The following VSIR variants were observed in gnomAD, a reference collection of about 807,000 sequenced individuals.
VSIR encodes V-set immunoregulatory receptor, also known as V-type immunoglobulin domain-containing suppressor of T-cell activation.
In VSIR, 10 loss-of-function variants were observed where a neutral mutation model predicts 31.0. That is an observed-to-expected ratio of 0.32 (90% CI 0.20 to 0.55). VSIR has a LOEUF of 0.55. Among genes scored for constraint, VSIR ranks in the 20% least tolerant of loss-of-function variants. The pLI, the probability that VSIR is intolerant of heterozygous loss-of-function variation, is 0.93. For missense variants in VSIR, 356 were observed against 416.2 expected (o/e 0.86, Z 1.26); for synonymous variants, 179 against 180.1 (o/e 0.99, Z 0.05).
chr10:71,759,492 G>C (rs959863848), intron 3 of VSIR, among the ~76,000 whole-genome samples: 36 of 151,366 alleles, frequency 2.4e-4, no homozygotes, highest in Non-Finnish European at 4.4e-4. Context: ...GAGTGACAGA[G>C]AGAGAGTCTT....
In VSIR at chr10:71,761,773, G is replaced by A. The variant is rs1346708628; in HGVS notation, c.336C>T (p.Asp112=). ...GGHQAANTSH[D]LAQRHGLESA... is the part of the protein sequence containing the mutation. ...ACTCCAGCCCGTGGCGCTGAGCCAG[G>A]TCGTGGCTGGTGTTGGCAGCCTGGT... Residue 112 remains aspartate, a synonymous_variant, in exon 2 of 7, where the codon GAC becomes GAT. Coordinates refer to ENST00000394957, the MANE Select transcript of VSIR (RefSeq NM_022153.2). The A allele has an allele frequency of 6.2e-7, 1 of 1,614,164 alleles. No individual in the cohort carries two copies. The highest frequency in any genetic ancestry group is 2.2e-5 in the East Asian group (1 of 44,888).
In VSIR at chr10:71,748,165, T is replaced by A. The variant is rs1417920807; in HGVS notation, c.*3088A>T. 1 of 151,230 alleles carries A rather than the reference T, an allele frequency of 6.6e-6. No homozygotes were observed. The highest frequency in any genetic ancestry group is 1.5e-5 in the Non-Finnish European group (1 of 68,096). The allele number at this position is 151,230 out of a possible 1,614,324, so 9.4% of individuals were successfully genotyped here. ...CAGGGGCCAAGTTGGTGCTCGGTGG[T>A]GGCAGGACCCCTGCAGCCCCCTGTC... On this transcript the variant is annotated 3_prime_UTR_variant, in exon 7 of 7. Coordinates refer to ENST00000394957, the MANE Select transcript of VSIR (RefSeq NM_022153.2).
intron 3 of VSIR, chr10:71,757,769 T>G (rs1244432210): frequency 1.3e-5 from 2 of 152,622 alleles, no homozygotes; most frequent in Non-Finnish European, 2.9e-5. Context: ...GTTCGGCTGC[T>G]GAGGGTTGGG....
chr10:71,758,902 C>T (rs1451848770), intron 3 of VSIR, among the ~76,000 whole-genome samples: 1 of 152,184 alleles, frequency 6.6e-6, no homozygotes, highest in Non-Finnish European at 1.5e-5. Context: ...CAGAGTCTCG[C>T]TCTGTCACCC....
intron 1 of VSIR, among the ~76,000 whole-genome samples, chr10:71,768,866 G>A (rs1054052985): frequency 3.3e-5 from 5 of 152,206 alleles, no homozygotes; most frequent in African/African-American, 4.8e-5. Context: ...TTTTACAGAT[G>A]AGAAAACGGA....
At chr10:71,755,334 A>G in intron 4 of VSIR, 25 bp downstream of exon 4, 1 of 1,595,908 alleles carries the variant, frequency 6.3e-7, no homozygotes, top group Non-Finnish European at 8.6e-7. Context: ...CCGTCCACCC[A>G]CCCCAGGCAG....
chr10:71,762,490 C>T (rs1231734577), intron 1 of VSIR, among the ~76,000 whole-genome samples: 1 of 152,268 alleles, frequency 6.6e-6, no homozygotes, highest in African/African-American at 2.4e-5. Context: ...TAAGAGAGCA[C>T]CTGCGTGTGC....
In VSIR at chr10:71,760,919, C is replaced by G. The variant is rs1840365352; in HGVS notation, c.517G>C (p.Asp173His). ...TACACCACACAGTTGGATGGTGCAT[C>G]TTTGCCTGTGGGAACAAACAGAAGG... is the stretch of plus-strand genomic sequence containing the variant. ...AMELQVQTGK[D>H]APSNCVVYPS... The change falls in exon 3 of 7, where the codon GAT becomes CAT. Residue 173 changes from aspartate to histidine, a missense_variant. Asp to His is a moderately conservative substitution (Grantham distance 81). This residue lies in a region of VSIR where 190 missense variants were observed against 185.2 expected (regional missense o/e 1.03). Transcript: ENST00000394957. The G allele has an allele frequency of 6.2e-7, 1 of 1,613,858 alleles. No individual in the cohort carries two copies.
Position 71,751,781 on chromosome 10 carries a change from G to T in VSIR, c.785C>A (p.Pro262His). The change falls in exon 6 of 7, where the codon CCC becomes CAC. Residue 262 changes from proline (P) to histidine (H), a missense_variant. This residue lies in a region of VSIR where 190 missense variants were observed against 185.2 expected (regional missense o/e 1.03). Coordinates refer to ENST00000394957, the MANE Select transcript of VSIR (RefSeq NM_022153.2). The surrounding 1 kb of genome is among the most constrained non-coding windows in gnomAD (Gnocchi z 4.9). Reference sequence around the variant, plus strand: ...CTGCCGCTGGGCCACATAGGACAGGGGGTGCCTGACTTTGGCCTCGGGTAT... The same window carrying T: ...CTGCCGCTGGGCCACATAGGACAGGTGGTGCCTGACTTTGGCCTCGGGTAT... ...QGIPEAKVRH[P>H]LSYVAQRQPS... 1 of 1,601,354 alleles carries T rather than the reference G, an allele frequency of 6.2e-7. No individual in the cohort carries two copies. The highest frequency in any genetic ancestry group is 8.5e-7 in the Non-Finnish European group (1 of 1,173,850).
At chr10:71,760,955 G>A (rs1840366480) in intron 2 of VSIR, 31 bp from the exon 3 acceptor site, 2 of 1,610,934 alleles carry the variant, frequency 1.2e-6, no homozygotes, top group Non-Finnish European at 1.7e-6. Flanking sequence ...GCCATTAGGT[G>A]GGTGTCAGGC....
intron 4 of VSIR, among the ~76,000 whole-genome samples, chr10:71,754,299 C>T (rs956830124): frequency 2.0e-5 from 3 of 150,700 alleles, no homozygotes; most frequent in Non-Finnish European, 4.4e-5. Context: ...GGCCACAGCC[C>T]CCGAGTGACC....
chr10:71,765,111 C>A (rs1840501610), intron 1 of VSIR, among the ~76,000 whole-genome samples: 1 of 152,190 alleles, frequency 6.6e-6, no homozygotes, highest in Non-Finnish European at 1.5e-5. Flanking sequence ...CAGGAAGAAA[C>A]AAAACCTGCC....
At chr10:71,758,502 C>T (rs1324851634) in intron 3 of VSIR, among the ~76,000 whole-genome samples, 1 of 152,216 alleles carries the variant, frequency 6.6e-6, no homozygotes, top group East Asian at 1.9e-4. Context: ...AGGGCAGTGC[C>T]CTCTTACCCT....
rs1554868422 is a variant in VSIR at position 71,759,820 on chromosome 10, T to TATACAC, written c.568+1047_568+1048insGTGTAT. ...GAGTGAAACCGTGTTTCAGAAAATA[T>TATACAC]ACACACACACACACACACACACACA... On this transcript the variant is annotated intron_variant, in intron 3 of 6. Coordinates refer to ENST00000394957, the MANE Select transcript of VSIR (RefSeq NM_022153.2). Among the ~76,000 whole-genome samples the TATACAC allele has an allele frequency of 4.7e-5, 4 of 85,276 alleles. 1 individual carries two copies. Among genetic ancestry groups the TATACAC allele is most frequent in the Admixed American group, 2.6e-4 (2 of 7,616 alleles). 55.9% of individuals were successfully genotyped at this position (85,276 alleles called of 152,430 possible). A position where few individuals can be genotyped will look rare whatever the true frequency, so the allele number is the denominator to read the frequency against.
chr10:71,769,930 G>T (rs1401773876), intron 1 of VSIR, among the ~76,000 whole-genome samples: 1 of 152,132 alleles, frequency 6.6e-6, no homozygotes, highest in Non-Finnish European at 1.5e-5. Flanking sequence ...GGCCAGGCTT[G>T]CCTTCAAGTT....
intron 4 of VSIR, chr10:71,754,996 C>T (rs1014521287): frequency 2.3e-6 from 1 of 437,044 alleles, no homozygotes; most frequent in African/African-American, 2.0e-5. Flanking sequence ...CTACTAATTA[C>T]AAAACAAGCA....
intron 1 of VSIR, among the ~76,000 whole-genome samples, chr10:71,772,770 A>T (rs1248527158): frequency 6.6e-6 from 1 of 152,166 alleles, no homozygotes; most frequent in Non-Finnish European, 1.5e-5. Flanking sequence ...CTGACCACTT[A>T]TTCCTGGGCC....
At chr10:71,752,475 A>G (rs899677188) in intron 5 of VSIR, among the ~76,000 whole-genome samples, 2 of 152,164 alleles carry the variant, frequency 1.3e-5, no homozygotes, top group African/African-American at 2.4e-5. Context: ...GCTGCATGGC[A>G]GCTTCCTGCC....
In VSIR at chr10:71,759,914, C is replaced by CAT. The variant is rs1564779323; in HGVS notation, c.568+952_568+953dup. Among the ~76,000 whole-genome samples, 141 of 56,894 alleles carry CAT rather than the reference C, an allele frequency of 2.5e-3. 11 individuals carry two copies. In the Middle Eastern group the frequency reaches 0.053, roughly 21 times the overall value. 37.3% of individuals were successfully genotyped at this position (56,894 alleles called of 152,430 possible). A position where few individuals can be genotyped will look rare whatever the true frequency, so the allele number is the denominator to read the frequency against. ...ACACACACACATATATACACACACA[C>CAT]ATATATACACACACACATATATACA... On this transcript the variant is annotated intron_variant, in intron 3 of 6. Transcript: ENST00000394957.
Sources: gnomAD v4.1 joint callset for allele counts (sites outside exome capture counted in the v4.1 genomes callset) on GRCh38, gnomAD v4.1.1 for gene constraint, gnomAD v4.1.1 regional missense constraint, Gnocchi (gnomAD v3.1) non-coding constraint, MANE v1.5 for transcripts, NCBI Gene and HGNC (gene_info 2026-07-23, HGNC 2026-07-21) for gene names.